Variants in PCDHGA11 observed in about 807,000 individuals in gnomAD.
PCDHGA11 encodes protocadherin gamma-A11.
A neutral mutation model predicts 60.4 loss-of-function variants in PCDHGA11; 39 were observed. The observed-to-expected ratio is 0.65, with a 90% CI of 0.50 to 0.84. The LOEUF is 0.84. PCDHGA11 is among the 40% of genes least tolerant of loss of function. The probability of loss-of-function intolerance (pLI) is 0.00; values close to 1 mark genes in which losing one functional copy is unlikely to be tolerated. For missense variants in PCDHGA11, 1,165 were observed against 1,197.7 expected (o/e 0.97, Z 0.40); for synonymous variants, 533 against 510.3 (o/e 1.04, Z -0.60).
chr5:141,440,902 G>C (rs138147244), intron 1 of PCDHGA11: 1 of 152,110 alleles, frequency 6.6e-6, no homozygotes, highest in Admixed American at 6.6e-5. Context: ...ATGTGCATCC[G>C]GGCACTCCTG....
chr5:141,451,955 A>T (rs1004010741), intron 1 of PCDHGA11, among the ~76,000 whole-genome samples: 2 of 152,196 alleles, frequency 1.3e-5, no homozygotes, highest in Admixed American at 1.3e-4. Flanking sequence ...CGAGAAAGTG[A>T]CATACCATCA....
intron 1 of PCDHGA11, among the ~76,000 whole-genome samples, chr5:141,434,579 A>T (rs931282309): frequency 6.6e-6 from 1 of 152,232 alleles, no homozygotes; most frequent in African/African-American, 2.4e-5. Context: ...CCTGCTGCAG[A>T]TAACTACCTC....
intron 1 of PCDHGA11, chr5:141,427,206 G>C (rs1224325038): frequency 1.1e-5 from 5 of 456,606 alleles, no homozygotes; most frequent in Admixed American, 2.3e-5. Context: ...AATAGACTTC[G>C]AATTTCGTAG....
rs758181180 is a variant in PCDHGA11 at position 141,485,483 on chromosome 5, G to T, written c.2434-9324G>T. The T allele has an allele frequency of 1.9e-6, 3 of 1,614,106 alleles. No homozygotes were observed. The highest frequency in any genetic ancestry group is 2.5e-6 in the Non-Finnish European group (3 of 1,180,022). ...GTGTGGGCTCAGTGCCAGCTGCATC[G>T]TGCCCCTGGAGTTTGTCACCGAAGG... On this transcript the variant is annotated intron_variant, in intron 1 of 3. Coordinates refer to ENST00000398587, the MANE Select transcript of PCDHGA11 (RefSeq NM_018914.3). The surrounding 1 kb of genome is among the most constrained non-coding windows in gnomAD (Gnocchi z 5.7).
chr5:141,470,837 G>A (rs932315417), intron 1 of PCDHGA11, among the ~76,000 whole-genome samples: 4 of 151,948 alleles, frequency 2.6e-5, no homozygotes, highest in Non-Finnish European at 4.4e-5. Flanking sequence ...ACAAACACAC[G>A]CCACCATGCT....
chr5:141,491,109 A>G lies in PCDHGA11; in HGVS notation c.2434-3698A>G, dbSNP rs1039906987. 4.3e-6 allele frequency: 7 copies of G among 1,614,074 alleles called. No individual in the cohort carries two copies. The African/African-American group carries it at 9.3e-5, about 22-fold the overall frequency. ...CCCCAGGACTGTTCCTCGTGTCTAC[A>G]CACACTGGTGAGGTGCGCACAGCCC... On this transcript the variant is annotated intron_variant, in intron 1 of 3. Coordinates refer to ENST00000398587, the MANE Select transcript of PCDHGA11 (RefSeq NM_018914.3). The surrounding 1 kb of genome is among the most constrained non-coding windows in gnomAD (Gnocchi z 6.9).
rs747671382 is a variant in PCDHGA11 at position 141,444,152 on chromosome 5, ATTTTTTTTTTTTTTTTTTTT to A, written c.2433+20509_2433+20528del. ...GATATGTGTCACTTGTGTGTACTGG[ATTTTTTTTTTTTTTTTTTTT>A]TTTTTTTTTTTTTTTTGAGATGGAG... On this transcript the variant is annotated intron_variant, in intron 1 of 3. Transcript: ENST00000398587. 2.4e-4 allele frequency among the ~76,000 whole-genome samples: 8 copies of A among 33,898 alleles called. No homozygotes were observed. In the East Asian group the frequency reaches 3.0e-3, roughly 13 times the overall value. 22.2% of individuals were successfully genotyped at this position (33,898 alleles called of 152,430 possible). A position where few individuals can be genotyped will look rare whatever the true frequency, so the allele number is the denominator to read the frequency against.
intron 1 of PCDHGA11, among the ~76,000 whole-genome samples, chr5:141,494,188 T>G (rs2099752632): frequency 6.6e-6 from 1 of 152,186 alleles, no homozygotes; most frequent in Non-Finnish European, 1.5e-5. Flanking sequence ...GTCCCGGGAC[T>G]TGGATGCCCC....
At chr5:141,453,001 G>C (rs1225973632) in intron 1 of PCDHGA11, among the ~76,000 whole-genome samples, 3 of 152,168 alleles carry the variant, frequency 2.0e-5, no homozygotes, top group African/African-American at 7.2e-5. Flanking sequence ...AAAGTTACCT[G>C]TAGTATAGTT....
intron 2 of PCDHGA11, among the ~76,000 whole-genome samples, chr5:141,497,483 C>T (rs1039341023): frequency 6.6e-6 from 1 of 150,378 alleles, no homozygotes; most frequent in Non-Finnish European, 1.5e-5. Context: ...AGGTGCGGAA[C>T]CTCTCTCTCT....
At chr5:141,480,871 C>T (rs1262582761) in intron 1 of PCDHGA11, among the ~76,000 whole-genome samples, 1 of 151,930 alleles carries the variant, frequency 6.6e-6, no homozygotes, top group Non-Finnish European at 1.5e-5. Context: ...ATGGTGAAAC[C>T]CCGTCTCTAC....
chr5:141,501,447 A>G (rs1483189279), intron 2 of PCDHGA11, among the ~76,000 whole-genome samples: 1 of 151,816 alleles, frequency 6.6e-6, no homozygotes, highest in Middle Eastern at 3.2e-3. Flanking sequence ...TTCCATTTTT[A>G]CTTTTCACTA....
chr5:141,477,066 T>C lies in PCDHGA11; in HGVS notation c.2434-17741T>C. ...CGGCTGGACTTCGAGGACACCAAAC[T>C]CCATGAGATTTACATCCAGGCCAAA... On this transcript the variant is annotated intron_variant, in intron 1 of 3. Coordinates refer to ENST00000398587, the MANE Select transcript of PCDHGA11 (RefSeq NM_018914.3). This position sits in a 1 kb window ranked among gnomAD's most constrained non-coding sequence, Gnocchi z 4.9. 6.2e-7 allele frequency: 1 copy of C among 1,614,148 alleles called. No homozygotes were observed. The highest frequency in any genetic ancestry group is 8.5e-7 in the Non-Finnish European group (1 of 1,180,028).
rs180741728 is a variant in PCDHGA11 at position 141,505,088 on chromosome 5, G to A, written c.2493-305G>A. Among the ~76,000 whole-genome samples the A allele has an allele frequency of 3.7e-3, 563 of 152,300 alleles. 5 individuals carry two copies. Among genetic ancestry groups the A allele is most frequent in the Admixed American group, 0.011 (163 of 15,294 alleles). On this transcript the variant is annotated intron_variant, in intron 2 of 3. Coordinates refer to ENST00000398587, the MANE Select transcript of PCDHGA11 (RefSeq NM_018914.3). ...GAGGCAGGAGAATCGCTTGAACCCA[G>A]GAGGTGGATGTTGCAATGAGCCAAG...
intron 3 of PCDHGA11, among the ~76,000 whole-genome samples, chr5:141,510,162 A>C (rs947806998): frequency 6.6e-6 from 1 of 151,838 alleles, no homozygotes; most frequent in Non-Finnish European, 1.5e-5. Flanking sequence ...AATCTCAGCT[A>C]CTCAGGAGGT....
At position 141,432,025 on chromosome 5, in the gene PCDHGA11, G is replaced by C. The variant is rs768627576; in HGVS notation, c.2433+8365G>C. 2 of 1,614,158 alleles carry C rather than the reference G, an allele frequency of 1.2e-6. No homozygotes were observed. The highest frequency in any genetic ancestry group is 3.3e-4 in the Middle Eastern group (2 of 6,062). ...AGGTTCCTAGCTACAACATCACAGTGACCGCCACTGACCGGGGAACCCCGC... is the reference window on the plus strand; with the variant it reads ...AGGTTCCTAGCTACAACATCACAGTCACCGCCACTGACCGGGGAACCCCGC... On this transcript the variant is annotated intron_variant, in intron 1 of 3. Transcript: ENST00000398587. The surrounding 1 kb of genome is among the most constrained non-coding windows in gnomAD (Gnocchi z 6.0).
chr5:141,423,777 T>A, intron 1 of PCDHGA11, 117 bp downstream of exon 1: 1 of 1,159,844 alleles, frequency 8.6e-7, no homozygotes, highest in Non-Finnish European at 1.1e-6. Flanking sequence ...GGCATATATT[T>A]AGTTCATATA....
rs575872277 is a variant in PCDHGA11, at chr5:141,511,848, G to A, written c.*675G>A. The A allele has an allele frequency of 6.4e-6, 1 of 156,684 alleles. No individual in the cohort carries two copies. The highest frequency in any genetic ancestry group is 2.0e-4 in the South Asian group (1 of 5,078). The allele number at this position is 156,684 out of a possible 1,614,324, so 9.7% of individuals were successfully genotyped here. A position where few individuals can be genotyped will look rare whatever the true frequency, so the allele number is the denominator to read the frequency against. ...GCCCTGGGGACCAGTCTTCTGTTTT[G>A]TTTTTCATTGTTTGACGTTTCCACT... On this transcript the variant is annotated 3_prime_UTR_variant, in exon 4 of 4. Transcript: ENST00000398587.
chr5:141,511,135 G>A lies in PCDHGA11; in HGVS notation c.2770G>A (p.Gly924Ser), dbSNP rs200541479. Residue 924 changes from glycine to serine, a missense_variant, in exon 4 of 4, where the codon GGC becomes AGC. Physicochemically the swap from Gly to Ser is moderately conservative, Grantham distance 56. Coordinates refer to ENST00000398587, the MANE Select transcript of PCDHGA11 (RefSeq NM_018914.3). The stretch of plus-strand genomic sequence containing the variant: ...TGGCAAGGCCCCAGCAGGTGGCAAT[G>A]GCAACAAGAAGAAGTCGGGCAAGAA... ...RDGKAPAGGN[G>S]NKKKSGKKEK... 2.8e-4 allele frequency: 448 copies of A among 1,614,188 alleles called. No homozygotes were observed. Among genetic ancestry groups the A allele is most frequent in the Non-Finnish European group, 3.0e-4 (352 of 1,180,016 alleles).
Sources: gnomAD v4.1 joint callset for allele counts (sites outside exome capture counted in the v4.1 genomes callset) on GRCh38, gnomAD v4.1.1 for gene constraint, Gnocchi (gnomAD v3.1) non-coding constraint, MANE v1.5 for transcripts, NCBI Gene and HGNC (gene_info 2026-07-23, HGNC 2026-07-21) for gene names.